SLC9A9: variants seen among roughly 807,000 people sequenced by gnomAD.
The protein encoded by SLC9A9 is sodium/hydrogen exchanger 9.
In SLC9A9, 62 loss-of-function variants were observed where a neutral mutation model predicts 77.8. That is an observed-to-expected ratio of 0.80 (90% CI 0.65 to 0.98). The LOEUF is 0.98. SLC9A9 is among the 50% of genes least tolerant of loss of function. SLC9A9 has a pLI of 0.00. For synonymous variants in SLC9A9, 320 were observed against 283.5 expected, an observed-to-expected ratio of 1.13 and a Z score of -1.29; for missense variants, 775 against 774.9, an observed-to-expected ratio of 1.00 and a Z score of 0.00.
intron 6 of SLC9A9, among the ~76,000 whole-genome samples, chr3:143,639,394 C>A (rs190378110): frequency 6.6e-6 from 1 of 152,324 alleles, no homozygotes; most frequent in East Asian, 1.9e-4. Context: ...CATGGGCATT[C>A]ATGCCTCTGG....
At chr3:143,805,006 T>C (rs1397032312) in intron 2 of SLC9A9, among the ~76,000 whole-genome samples, 7 of 152,242 alleles carry the variant, frequency 4.6e-5, no homozygotes, top group African/African-American at 1.7e-4. Flanking sequence ...TGTTTTTACC[T>C]AAATCAATCT....
At chr3:143,381,707 A>G (rs778096170) in intron 13 of SLC9A9, among the ~76,000 whole-genome samples, 4 of 152,204 alleles carry the variant, frequency 2.6e-5, no homozygotes, top group Non-Finnish European at 5.9e-5. Flanking sequence ...TGCAACATGC[A>G]TTGGACATAC....
At chr3:143,399,378 A>C (rs773714821) in intron 12 of SLC9A9, among the ~76,000 whole-genome samples, 5 of 152,176 alleles carry the variant, frequency 3.3e-5, no homozygotes, top group Non-Finnish European at 7.4e-5. Context: ...GACTATGTTA[A>C]AAAGAAATTA....
At chr3:143,576,235 T>C (rs900485354) in intron 7 of SLC9A9, among the ~76,000 whole-genome samples, 15 of 152,236 alleles carry the variant, frequency 9.9e-5, no homozygotes, top group African/African-American at 3.4e-4. Flanking sequence ...TCAGTTTCCT[T>C]AGCTGTAAAA....
chr3:143,721,768 G>T (rs986126839), intron 4 of SLC9A9, among the ~76,000 whole-genome samples: 6 of 152,156 alleles, frequency 3.9e-5, no homozygotes, highest in African/African-American at 1.4e-4. Flanking sequence ...GGTGGAGAGG[G>T]AGGAAGGAGA....
intron 9 of SLC9A9, among the ~76,000 whole-genome samples, chr3:143,529,742 T>C (rs1365197253): frequency 6.6e-6 from 1 of 152,172 alleles, no homozygotes; most frequent in East Asian, 1.9e-4. Context: ...ATAGTACTTA[T>C]TCATATTTTA....
intron 4 of SLC9A9, among the ~76,000 whole-genome samples, chr3:143,789,475 C>G (rs1350280720): frequency 6.6e-6 from 1 of 152,128 alleles, no homozygotes; most frequent in African/African-American, 2.4e-5. Flanking sequence ...GTTAGAAACC[C>G]TGTTCTAAAT....
chr3:143,803,828 A>G (rs2008635446), intron 2 of SLC9A9, among the ~76,000 whole-genome samples: 3 of 152,106 alleles, frequency 2.0e-5, no homozygotes, highest in Admixed American at 6.5e-5. Context: ...ACTGGGCGAC[A>G]TCTCCTGTCT....
chr3:143,424,728 C>G (rs115096488), intron 12 of SLC9A9, among the ~76,000 whole-genome samples: 3,428 of 152,244 alleles, frequency 0.023, 42 homozygotes, highest in Non-Finnish European at 0.033. Flanking sequence ...TCAAAAATCT[C>G]AAAACAAAAG....
chr3:143,602,060 C>T (rs1219434782), intron 6 of SLC9A9, among the ~76,000 whole-genome samples: 1 of 152,050 alleles, frequency 6.6e-6, no homozygotes, highest in Non-Finnish European at 1.5e-5. Flanking sequence ...AAATTCTTAG[C>T]CAATGTCTTT....
chr3:143,527,142 G>A lies in SLC9A9; in HGVS notation c.1089+25220C>T, dbSNP rs116725275. ...TAGTGATGAGATGATAGCACATTTC[G>A]GTGCCTGCATTTCTCTCTCAAAGAT... On this transcript the variant is annotated intron_variant, in intron 9 of 15. Transcript: ENST00000316549. Among the ~76,000 whole-genome samples the A allele has an allele frequency of 7.4e-3, 1,132 of 152,178 alleles. 7 individuals are homozygous for A. Among genetic ancestry groups the A allele is most frequent in the Non-Finnish European group, 0.012 (801 of 67,994 alleles).
intron 4 of SLC9A9, among the ~76,000 whole-genome samples, chr3:143,767,446 C>G (rs2007362763): frequency 6.7e-6 from 1 of 150,332 alleles, no homozygotes; most frequent in Non-Finnish European, 1.5e-5. Context: ...GCCACATTAA[C>G]TGTTTGTTTG....
In SLC9A9 at chr3:143,546,799, T is replaced by C. The variant is rs151093631; in HGVS notation, c.1089+5563A>G. Among the ~76,000 whole-genome samples the C allele has an allele frequency of 2.7e-3, 405 of 152,336 alleles. 4 individuals carry two copies. Among genetic ancestry groups the C allele is most frequent in the African/African-American group, 9.0e-3 (376 of 41,586 alleles). On this transcript the variant is annotated intron_variant, in intron 9 of 15. Coordinates refer to ENST00000316549, the MANE Select transcript of SLC9A9 (RefSeq NM_173653.4). ...CATAAACAAGCACTGTTATTTCTCC[T>C]ACCTTAAAAATAAAAAGATATTTTC...
chr3:143,837,988 C>T (rs1292007622), intron 1 of SLC9A9, among the ~76,000 whole-genome samples: 3 of 152,162 alleles, frequency 2.0e-5, no homozygotes, highest in Non-Finnish European at 4.4e-5. Flanking sequence ...ACAGTAGGTG[C>T]TGAATCAAAT....
chr3:143,467,321 C>T, intron 11 of SLC9A9, 131 bp from the exon 12 acceptor site: 2 of 1,057,470 alleles, frequency 1.9e-6, no homozygotes, highest in Non-Finnish European at 2.8e-6. Context: ...ATTATAGATT[C>T]ATAAAGAGTT....
intron 11 of SLC9A9, among the ~76,000 whole-genome samples, chr3:143,488,662 A>G (rs1006316769): frequency 6.6e-6 from 1 of 152,006 alleles, no homozygotes; most frequent in Non-Finnish European, 1.5e-5. Context: ...GATCACCTCA[A>G]TTGATGCAGA....
At chr3:143,289,279 C>T (rs1009575528) in intron 14 of SLC9A9, among the ~76,000 whole-genome samples, 9 of 152,140 alleles carry the variant, frequency 5.9e-5, no homozygotes, top group Non-Finnish European at 8.8e-5. Context: ...AGTGATTCAT[C>T]GTGCCAGTAA....
intron 14 of SLC9A9, among the ~76,000 whole-genome samples, chr3:143,328,080 C>A (rs1324130569): frequency 6.6e-6 from 1 of 152,142 alleles, no homozygotes; most frequent in Non-Finnish European, 1.5e-5. Context: ...AAATCAGAAT[C>A]TGAGTTTTCT....
chr3:143,570,720 T>A (rs2108654752), intron 8 of SLC9A9, among the ~76,000 whole-genome samples: 1 of 152,274 alleles, frequency 6.6e-6, no homozygotes, highest in East Asian at 1.9e-4. Flanking sequence ...AAAAGCAAGT[T>A]ACTTAAGAAA....
Sources: gnomAD v4.1 joint callset for allele counts (sites outside exome capture counted in the v4.1 genomes callset) on GRCh38, gnomAD v4.1.1 for gene constraint, MANE v1.5 for transcripts, NCBI Gene and HGNC (gene_info 2026-07-23, HGNC 2026-07-21) for gene names.